ACBD5: variants seen among roughly 807,000 people sequenced by gnomAD.
ACBD5 encodes acyl-CoA-binding domain-containing protein 5.
In ACBD5, 40 loss-of-function variants were observed where a neutral mutation model predicts 71.8. The ratio of observed to expected loss-of-function variants is 0.56; its 90% confidence interval spans 0.43 to 0.72. The LOEUF is 0.72. ACBD5 is among the 30% of genes least tolerant of loss of function. The probability of loss-of-function intolerance (pLI) is 0.00; values close to 1 mark genes in which losing one functional copy is unlikely to be tolerated. For missense variants in ACBD5, 559 were observed against 644.5 expected (o/e 0.87, Z 1.44); for synonymous variants, 229 against 218.6 (o/e 1.05, Z -0.42).
intron 10 of ACBD5, among the ~76,000 whole-genome samples, chr10:27,207,593 T>C: frequency 6.6e-6 from 1 of 152,192 alleles, no homozygotes; most frequent in East Asian, 1.9e-4. Context: ...TAATTACCTC[T>C]TTACTCTCTC....
rs532228169 is a variant in ACBD5 at position 27,195,574 on chromosome 10, T to C, written c.*1856A>G. 1 of 450,100 alleles carries C rather than the reference T, an allele frequency of 2.2e-6. No homozygotes were observed. Among genetic ancestry groups the C allele is most frequent in the African/African-American group, 2.0e-5 (1 of 49,882 alleles). The allele number at this position is 450,100 out of a possible 1,614,324, so 27.9% of individuals were successfully genotyped here. On this transcript the variant is annotated 3_prime_UTR_variant, in exon 13 of 13. Coordinates refer to ENST00000396271, the MANE Select transcript of ACBD5 (RefSeq NM_145698.5). ...CAAATTGATATCTCATTTTTGAAAA[T>C]AATCTTTGATCCACAGGTCTAAATG...
At chr10:27,220,287 A>G (rs7902900) in intron 5 of ACBD5, 10,495 of 154,342 alleles carry the variant, frequency 0.068, 683 homozygotes, top group African/African-American at 0.17. Flanking sequence ...TACCTTTAGG[A>G]CTTCAGGTGC....
intron 2 of ACBD5, among the ~76,000 whole-genome samples, chr10:27,239,651 T>C (rs1040545429): frequency 6.6e-6 from 1 of 152,254 alleles, no homozygotes; most frequent in Admixed American, 6.5e-5. Context: ...ATTCTTTCTT[T>C]TCTGTCCCTT....
chr10:27,236,298 T>C (rs551801310), intron 2 of ACBD5, among the ~76,000 whole-genome samples: 1 of 152,034 alleles, frequency 6.6e-6, no homozygotes, highest in Non-Finnish European at 1.5e-5. Context: ...ATATAAATAA[T>C]GGTATAAGTT....
chr10:27,213,072 G>A (rs1269927417), intron 8 of ACBD5, among the ~76,000 whole-genome samples: 34 of 152,036 alleles, frequency 2.2e-4, no homozygotes. Context: ...ATGGGGAGAG[G>A]ATATAAAGAG....
rs1347173641 is a variant in ACBD5, at chr10:27,196,775, T to TG, written c.*654dup. On this transcript the variant is annotated 3_prime_UTR_variant, in exon 13 of 13. Coordinates refer to ENST00000396271, the MANE Select transcript of ACBD5 (RefSeq NM_145698.5). ...CTTCACCATTTCCATCAGTGGGTTA[T>TG]GTCTAGCCTGCAAATCATTTGTAAA... 1 of 454,156 alleles carries TG rather than the reference T, an allele frequency of 2.2e-6. No individual in the cohort carries two copies. 28.1% of individuals were successfully genotyped at this position (454,156 alleles called of 1,614,324 possible).
chr10:27,225,031 C>CA (rs1326198204), intron 4 of ACBD5, among the ~76,000 whole-genome samples: 6 of 147,002 alleles, frequency 4.1e-5, no homozygotes, highest in East Asian at 2.0e-4. Flanking sequence ...ACTCTGTTTC[C>CA]AAAAAAAAAG....
rs138288481 is a variant in ACBD5 at position 27,186,516 on chromosome 10, G to A, written c.1494-3801C>T. 4.7e-3 allele frequency: 7,596 copies of A among 1,613,872 alleles called. 27 individuals carry two copies. Among genetic ancestry groups the A allele is most frequent in the South Asian group, 7.2e-3 (658 of 91,082 alleles). On this transcript the variant is annotated intron_variant, in intron 13 of 13. Coordinates refer to the ACBD5 transcript ENST00000676511. ...CAGGAATACTGCTCAGCACCTGACT[G>A]TATCTGGATTTAGTCTGTAGCACAA... is the stretch of plus-strand genomic sequence containing the variant.
intron 3 of ACBD5, among the ~76,000 whole-genome samples, chr10:27,233,472 G>A (rs2064186259): frequency 6.7e-6 from 1 of 150,026 alleles, no homozygotes; most frequent in African/African-American, 2.5e-5. Flanking sequence ...GTTCACACCT[G>A]TAATCCCAGC....
intron 12 of ACBD5, among the ~76,000 whole-genome samples, chr10:27,201,516 T>C (rs973353182): frequency 6.6e-6 from 1 of 152,228 alleles, no homozygotes; most frequent in African/African-American, 2.4e-5. Flanking sequence ...CAAAAGCTTA[T>C]CACAGCTTGA....
chr10:27,222,336 C>T (rs1414383172), intron 5 of ACBD5, among the ~76,000 whole-genome samples: 1 of 151,750 alleles, frequency 6.6e-6, no homozygotes, highest in Non-Finnish European at 1.5e-5. Context: ...CAACAAATCT[C>T]CCATTTTATT....
intron 13 of ACBD5, among the ~76,000 whole-genome samples, chr10:27,187,422 C>T (rs2058832128): frequency 6.6e-6 from 1 of 152,178 alleles, no homozygotes; most frequent in South Asian, 2.1e-4. Flanking sequence ...ACCTTAATTT[C>T]TATTGGTGCG....
Position 27,240,628 on chromosome 10 carries a change from G to C in ACBD5, c.15+46C>G. On this transcript the variant is annotated intron_variant, in intron 1 of 12. Coordinates refer to ENST00000396271, the MANE Select transcript of ACBD5 (RefSeq NM_145698.5). The surrounding 1 kb of genome is among the most constrained non-coding windows in gnomAD (Gnocchi z 4.1). ...GCTCCTTCCTCCTCCCCCGGGGCGT[G>C]ACTAAGGCCACGAATCCGGCCCGCG... 1.3e-6 allele frequency: 2 copies of C among 1,551,068 alleles called. No individual in the cohort carries two copies. The highest frequency in any genetic ancestry group is 1.7e-6 in the Non-Finnish European group (2 of 1,146,944).
chr10:27,233,349 C>T (rs1780091), intron 3 of ACBD5, among the ~76,000 whole-genome samples: 92,071 of 150,578 alleles, frequency 0.61, 28,646 homozygotes, highest in Non-Finnish European at 0.68. Flanking sequence ...ATTGCTTGAA[C>T]TTGGGAGGCG....
chr10:27,203,856 C>T (rs1165605996), intron 12 of ACBD5, among the ~76,000 whole-genome samples: 1 of 152,046 alleles, frequency 6.6e-6, no homozygotes, highest in South Asian at 2.1e-4. Context: ...AGGCTAGTCT[C>T]GAACTCCTTT....
rs896050475 is a variant in ACBD5, at chr10:27,240,754, C to A, written c.-66G>T. 5 of 1,549,418 alleles carry A rather than the reference C, an allele frequency of 3.2e-6. No individual in the cohort carries two copies. The Admixed American group carries it at 7.8e-5, about 24-fold the overall frequency. On this transcript the variant is annotated 5_prime_UTR_variant, in exon 1 of 13. Transcript: ENST00000396271. The surrounding 1 kb of genome is among the most constrained non-coding windows in gnomAD (Gnocchi z 4.1). ...CGGAGCCGCTCTCCCACCCTGGGGA[C>A]CCTGGCGGAGCAGCCACACCCCCCA...
At chr10:27,203,509 C>T (rs554223955) in intron 12 of ACBD5, among the ~76,000 whole-genome samples, 80 of 152,242 alleles carry the variant, frequency 5.3e-4, no homozygotes, top group African/African-American at 1.9e-3. Context: ...GAGGCCAAGG[C>T]GGGCAAATCA....
downstream of ACBD5, among the ~76,000 whole-genome samples, chr10:27,192,494 A>G (rs1331760805): frequency 6.6e-6 from 1 of 152,120 alleles, no homozygotes; most frequent in Non-Finnish European, 1.5e-5. Flanking sequence ...GTGAGTCACG[A>G]TGGGGCAGCA....
In ACBD5 at chr10:27,197,403, G is replaced by A; in HGVS notation, c.*27C>T. 6.2e-7 allele frequency: 1 copy of A among 1,608,750 alleles called. No homozygotes were observed. Among genetic ancestry groups the A allele is most frequent in the Non-Finnish European group, 8.5e-7 (1 of 1,175,920 alleles). On this transcript the variant is annotated 3_prime_UTR_variant, in exon 13 of 13. Coordinates refer to ENST00000396271, the MANE Select transcript of ACBD5 (RefSeq NM_145698.5). The stretch of plus-strand genomic sequence containing the variant: ...ATTCTGAGGTCATCCAGTTCCAGTA[G>A]TCTTCTTGAGGAAAACACCATTTTC...
Sources: allele counts gnomAD v4.1 joint callset (sites outside exome capture counted in the v4.1 genomes callset), GRCh38; gene constraint gnomAD v4.1.1; non-coding constraint Gnocchi (gnomAD v3.1); transcripts MANE v1.5; gene names NCBI Gene and HGNC (gene_info 2026-07-23, HGNC 2026-07-21).